FAXC: variants seen among roughly 807,000 people sequenced by gnomAD.
FAXC encodes the protein failed axon connections homolog, metaxin like GST domain containing.
Under a neutral mutation model 41.9 loss-of-function variants are expected in FAXC, and 10 were observed. The ratio of observed to expected loss-of-function variants is 0.24; its 90% CI spans 0.15 to 0.41. The LOEUF is 0.41. Ranked by LOEUF, FAXC falls within the 10% of genes least tolerant of loss-of-function variation. The pLI is 1.00. For synonymous variants in FAXC, 183 were observed against 183.8 expected (o/e 1.00, Z 0.03); for missense variants, 399 against 510.9 (o/e 0.78, Z 2.11).
chr6:99,288,346 G>A (rs1298651315), intron 5 of FAXC, among the ~76,000 whole-genome samples: 1 of 152,162 alleles, frequency 6.6e-6, no homozygotes, highest in Non-Finnish European at 1.5e-5. Flanking sequence ...AAGTGAGTGT[G>A]TGGGGGGTTG....
chr6:99,289,689 ATGTGTGTG>A (rs58098982), intron 5 of FAXC, among the ~76,000 whole-genome samples: 2,610 of 146,572 alleles, frequency 0.018, 30 homozygotes, highest in South Asian at 0.035. Flanking sequence ...ACATATGTAT[ATGTGTGTG>A]TGTGTGTGTG....
chr6:99,349,796 G>T (rs1349584617), upstream of FAXC: 1 of 152,134 alleles, frequency 6.6e-6, no homozygotes, highest in East Asian at 1.9e-4. Flanking sequence ...GGATCTGCAG[G>T]GCTGAGGCGC....
At chr6:99,307,263 A>G (rs1771962892) in intron 4 of FAXC, among the ~76,000 whole-genome samples, 1 of 152,128 alleles carries the variant, frequency 6.6e-6, no homozygotes, top group African/African-American at 2.4e-5. Context: ...TTTTAAATAC[A>G]CTTTTGTGTG....
At chr6:99,297,491 A>G (rs999413887) in intron 4 of FAXC, among the ~76,000 whole-genome samples, 15 of 152,132 alleles carry the variant, frequency 9.9e-5, no homozygotes, top group African/African-American at 3.4e-4. Context: ...TGAGCAAGGG[A>G]ACCAAGAGAA....
At chr6:99,338,222 T>C (rs931182659) in intron 2 of FAXC, among the ~76,000 whole-genome samples, 2 of 152,202 alleles carry the variant, frequency 1.3e-5, no homozygotes, top group African/African-American at 2.4e-5. Flanking sequence ...AACAGCCCTA[T>C]ACAATTCTTT....
Position 99,323,507 on chromosome 6 carries a change from A to G in FAXC, c.760T>C (p.Phe254Leu). 2 of 1,614,276 alleles carry G rather than the reference A, an allele frequency of 1.2e-6. No individual in the cohort carries two copies. Among genetic ancestry groups the G allele is most frequent in the Non-Finnish European group, 1.7e-6 (2 of 1,180,054 alleles). The part of the protein sequence containing the change: ...REMHGHGIGR[F>L]SEEEIYMLME... The stretch of plus-strand genomic sequence containing the variant: ...AGCATGTAAATCTCTTCCTCGGAGA[A>G]GCGGCCAATGCCGTGGCCGTGCATC... Residue 254 changes from phenylalanine to leucine, a missense_variant, in exon 4 of 6, where the codon TTC (phenylalanine) becomes CTC (leucine). Physicochemically the swap from Phe to Leu is conservative, Grantham distance 22. Transcript: ENST00000389677.
At chr6:99,346,566 GT>G (rs1161569990) in intron 1 of FAXC, among the ~76,000 whole-genome samples, 2 of 149,460 alleles carry the variant, frequency 1.3e-5, no homozygotes, top group Non-Finnish European at 3.0e-5. Flanking sequence ...TTTTTGTGGG[GT>G]TTTTTTGTTT....
intron 4 of FAXC, among the ~76,000 whole-genome samples, chr6:99,319,363 C>A (rs1187782649): frequency 6.9e-6 from 1 of 145,176 alleles, no homozygotes; most frequent in African/African-American, 2.6e-5. Context: ...TGCACCACTG[C>A]ACTCTAGCCT....
At chr6:99,288,669 T>G (rs1020161950) in intron 5 of FAXC, among the ~76,000 whole-genome samples, 1 of 152,178 alleles carries the variant, frequency 6.6e-6, no homozygotes, top group Non-Finnish European at 1.5e-5. Flanking sequence ...TAAATGACAG[T>G]CCATACTATC....
chr6:99,343,669 A>C (rs1158471665), intron 1 of FAXC, among the ~76,000 whole-genome samples: 1 of 152,138 alleles, frequency 6.6e-6, no homozygotes, highest in African/African-American at 2.4e-5. Flanking sequence ...ATTCATCCAT[A>C]AGACCCAGGA....
intron 5 of FAXC, 135 bp downstream of exon 5, chr6:99,291,569 C>T: frequency 1.4e-6 from 1 of 713,632 alleles, no homozygotes; most frequent in Non-Finnish European, 2.5e-6. Flanking sequence ...CAACCCTAGC[C>T]CTGTACACCA....
At chr6:99,327,437 G>A (rs1772855425) in intron 3 of FAXC, among the ~76,000 whole-genome samples, 1 of 152,150 alleles carries the variant, frequency 6.6e-6, no homozygotes, top group South Asian at 2.1e-4. Context: ...CAAGTCAACA[G>A]TGCAACATCT....
chr6:99,318,263 ACACACACACACACACACACAC>A (rs1772445934), intron 4 of FAXC, among the ~76,000 whole-genome samples: 2 of 124,468 alleles, frequency 1.6e-5, no homozygotes, highest in Non-Finnish European at 3.7e-5. Flanking sequence ...CGTCTCAAAC[ACACACACACACACACACACAC>A]ACACACACAC....
chr6:99,282,813 A>C (rs1770888369), intron 5 of FAXC, among the ~76,000 whole-genome samples: 1 of 152,262 alleles, frequency 6.6e-6, no homozygotes, highest in Non-Finnish European at 1.5e-5. Flanking sequence ...AAAACAGATA[A>C]GCAAAAAATA....
chr6:99,282,599 G>C (rs1770881056), intron 5 of FAXC, among the ~76,000 whole-genome samples: 1 of 152,044 alleles, frequency 6.6e-6, no homozygotes, highest in East Asian at 1.9e-4. Context: ...CACTCTACCT[G>C]GCCTTCATTT....
At chr6:99,286,461 A>AT (rs1476988279) in intron 5 of FAXC, among the ~76,000 whole-genome samples, 6 of 152,198 alleles carry the variant, frequency 3.9e-5, no homozygotes, top group African/African-American at 9.7e-5. Flanking sequence ...GAGATGCAGC[A>AT]TTTTTTCCAC....
chr6:99,315,857 G>A (rs1772330204), intron 4 of FAXC, among the ~76,000 whole-genome samples: 1 of 152,140 alleles, frequency 6.6e-6, no homozygotes, highest in African/African-American at 2.4e-5. Flanking sequence ...GTCCACAGCT[G>A]AGCCTCACAA....
At chr6:99,314,952 G>A (rs1772284642) in intron 4 of FAXC, among the ~76,000 whole-genome samples, 1 of 151,856 alleles carries the variant, frequency 6.6e-6, no homozygotes, top group Admixed American at 6.6e-5. Flanking sequence ...TGACCTCCTT[G>A]GCCAGGCGCA....
chr6:99,291,371 T>C (rs1386897288), intron 5 of FAXC, among the ~76,000 whole-genome samples: 2 of 152,230 alleles, frequency 1.3e-5, no homozygotes, highest in African/African-American at 4.8e-5. Flanking sequence ...GCAAGGGCAC[T>C]AGGTGGAATT....
Sources: gnomAD v4.1 joint callset for allele counts (sites outside exome capture counted in the v4.1 genomes callset) on GRCh38, gnomAD v4.1.1 for gene constraint, MANE v1.5 for transcripts, NCBI Gene and HGNC (gene_info 2026-07-23, HGNC 2026-07-21) for gene names.